The following ROCK1 variants were observed in gnomAD, a reference collection of about 807,000 sequenced individuals.
The protein encoded by ROCK1 is Rho associated coiled-coil containing protein kinase 1, also known as rho-associated protein kinase 1.
Under a neutral mutation model 196.8 loss-of-function variants are expected in ROCK1, and 36 were observed. The observed-to-expected ratio is 0.18, with a 90% CI of 0.14 to 0.24. The LOEUF (loss-of-function observed/expected upper bound fraction) is 0.24. Ranked by LOEUF, ROCK1 falls within the 10% of genes least tolerant of loss-of-function variation. ROCK1 has a pLI of 1.00. For missense variants in ROCK1, 920 were observed against 1,562.0 expected (o/e 0.59, Z 6.93); for synonymous variants, 443 against 515.9 (o/e 0.86, Z 1.91).
intron 1 of ROCK1, among the ~76,000 whole-genome samples, chr18:21,081,265 T>C (rs1045362689): frequency 6.6e-6 from 1 of 152,012 alleles, no homozygotes; most frequent in Non-Finnish European, 1.5e-5. Context: ...CTTAAAACTA[T>C]GGGTCAAAGA....
intron 9 of ROCK1, among the ~76,000 whole-genome samples, chr18:21,033,598 G>T (rs1046060172): frequency 1.3e-5 from 2 of 151,812 alleles, no homozygotes; most frequent in African/African-American, 4.8e-5. Flanking sequence ...AGCTACAAAA[G>T]AATATATTAG....
intron 17 of ROCK1, among the ~76,000 whole-genome samples, chr18:20,991,843 G>A (rs886689537): frequency 2.0e-5 from 3 of 151,944 alleles, no homozygotes; most frequent in African/African-American, 4.8e-5. Context: ...TCGCTCCACT[G>A]CCCAGGCTAT....
chr18:21,006,628 TC>T, intron 15 of ROCK1, 31 bp from the exon 16 acceptor site: 3 of 1,602,588 alleles, frequency 1.9e-6, no homozygotes, highest in Non-Finnish European at 2.5e-6. Context: ...AAAATAGGTT[TC>T]TGACCAAAGT....
chr18:21,003,957 G>T (rs2035747858), intron 16 of ROCK1, among the ~76,000 whole-genome samples: 1 of 151,798 alleles, frequency 6.6e-6, no homozygotes, highest in Non-Finnish European at 1.5e-5. Context: ...TAAAAAAATT[G>T]ATTTTTGCCT....
chr18:20,991,350 T>G (rs1287131542), intron 17 of ROCK1, 24 bp from the exon 18 acceptor site: 2 of 1,518,862 alleles, frequency 1.3e-6, no homozygotes, highest in Admixed American at 3.8e-5. Flanking sequence ...GTAGGAGTCA[T>G]GTAATAAACT....
intron 22 of ROCK1, among the ~76,000 whole-genome samples, chr18:20,972,685 G>A (rs1466379911): frequency 6.6e-6 from 1 of 152,136 alleles, no homozygotes; most frequent in Non-Finnish European, 1.5e-5. Context: ...TATGAAATAA[G>A]GTGAGAACTG....
intron 22 of ROCK1, among the ~76,000 whole-genome samples, chr18:20,978,912 T>C (rs1455962691): frequency 6.6e-6 from 1 of 152,228 alleles, no homozygotes; most frequent in Non-Finnish European, 1.5e-5. Flanking sequence ...TTTTCTGTAA[T>C]TGTTTGTTTC....
chr18:20,956,349 T>G (rs2035242202), intron 29 of ROCK1, among the ~76,000 whole-genome samples: 3 of 152,212 alleles, frequency 2.0e-5, no homozygotes, highest in South Asian at 2.1e-4. Flanking sequence ...TGTTATTATA[T>G]TATATTGTTT....
At chr18:21,047,740 G>C (rs1248132742) in intron 4 of ROCK1, among the ~76,000 whole-genome samples, 4 of 151,958 alleles carry the variant, frequency 2.6e-5, no homozygotes, top group Non-Finnish European at 5.9e-5. Flanking sequence ...CTTGCTTGCA[G>C]TGAGCCGAGA....
chr18:21,052,868 G>T (rs1400883439), intron 2 of ROCK1, among the ~76,000 whole-genome samples: 3 of 152,074 alleles, frequency 2.0e-5, no homozygotes, highest in Non-Finnish European at 2.9e-5. Context: ...AAAGTTTGGG[G>T]ACTGCTGCTC....
intron 14 of ROCK1, among the ~76,000 whole-genome samples, chr18:21,007,033 T>C (rs2035774463): frequency 6.6e-6 from 1 of 152,134 alleles, no homozygotes; most frequent in African/African-American, 2.4e-5. Context: ...CAAACTCCTT[T>C]ATTCCCTTTA....
At chr18:21,055,674 C>T (rs1324396471) in intron 2 of ROCK1, among the ~76,000 whole-genome samples, 1 of 152,054 alleles carries the variant, frequency 6.6e-6, no homozygotes, top group Non-Finnish European at 1.5e-5. Flanking sequence ...CCCTCCTAAC[C>T]GGATCCCACC....
intron 9 of ROCK1, among the ~76,000 whole-genome samples, chr18:21,038,308 C>T (rs1164450730): frequency 6.6e-6 from 1 of 152,046 alleles, no homozygotes; most frequent in Non-Finnish European, 1.5e-5. Context: ...TAATAAAATT[C>T]TCCCAAAGTC....
chr18:20,961,907 G>T (rs529505360), intron 27 of ROCK1, among the ~76,000 whole-genome samples: 1 of 149,948 alleles, frequency 6.7e-6, no homozygotes, highest in Non-Finnish European at 1.5e-5. Context: ...CTAAGCAGTG[G>T]CATGTACCAC....
At chr18:21,040,669 T>C (rs2036097925) in intron 8 of ROCK1, among the ~76,000 whole-genome samples, 1 of 152,230 alleles carries the variant, frequency 6.6e-6, no homozygotes, top group Non-Finnish European at 1.5e-5. Flanking sequence ...CGGCACATGG[T>C]ACTTATCTCA....
intron 18 of ROCK1, among the ~76,000 whole-genome samples, chr18:20,988,065 CTT>C (rs894793074): frequency 6.7e-6 from 1 of 149,166 alleles, no homozygotes; most frequent in Non-Finnish European, 1.5e-5. Flanking sequence ...TAGACTCAGT[CTT>C]TTTTTTTTCT....
chr18:21,080,647 T>TG (rs2036475379), intron 1 of ROCK1, among the ~76,000 whole-genome samples: 1 of 151,946 alleles, frequency 6.6e-6, no homozygotes, highest in Non-Finnish European at 1.5e-5. Context: ...AAGTGAAAGA[T>TG]GGGAAAAAAT....
Position 21,045,386 on chromosome 18 carries a change from T to C in ROCK1, c.496A>G (p.Ser166Gly). Residue 166 changes from serine to glycine, a missense_variant, in exon 5 of 33, where the codon AGC becomes GGC. Ser to Gly is a moderately conservative substitution (Grantham distance 56). Transcript: ENST00000399799. ...CATTTTTCAGGCACATCATAGTTGC[T>C]CATTAAGTTTACAAGATCTCCACCA... ...MPGGDLVNLM[S>G]NYDVPEKWAR... 1.2e-6 allele frequency: 2 copies of C among 1,613,822 alleles called. No homozygotes were observed. The highest frequency in any genetic ancestry group is 1.7e-6 in the Non-Finnish European group (2 of 1,179,930).
At chr18:21,056,739 T>C (rs1212955726) in intron 2 of ROCK1, among the ~76,000 whole-genome samples, 2 of 152,228 alleles carry the variant, frequency 1.3e-5, no homozygotes, top group Non-Finnish European at 1.5e-5. Context: ...CTACATGACC[T>C]AGCCTCCCCA....
Sources: gnomAD v4.1 joint callset for allele counts (sites outside exome capture counted in the v4.1 genomes callset) on GRCh38, gnomAD v4.1.1 for gene constraint, MANE v1.5 for transcripts, NCBI Gene and HGNC (gene_info 2026-07-23, HGNC 2026-07-21) for gene names.